Variants in USP4 observed in about 807,000 individuals in gnomAD.
USP4 encodes ubiquitin specific peptidase 4.
Under a neutral mutation model 118.2 loss-of-function variants are expected in USP4, and 72 were observed. That is an observed-to-expected ratio of 0.61 (90% CI 0.50 to 0.74). USP4 has a LOEUF of 0.74. USP4 is among the 30% of genes least tolerant of loss of function. The probability of loss-of-function intolerance (pLI) is 0.00; values close to 1 mark genes in which losing one functional copy is unlikely to be tolerated. For missense variants in USP4, 1,037 were observed against 1,185.7 expected, an observed-to-expected ratio of 0.87 and a Z score of 1.84; for synonymous variants, 415 against 440.4, an observed-to-expected ratio of 0.94 and a Z score of 0.72.
chr3:49,328,752 C>T (rs906005422), intron 2 of USP4, among the ~76,000 whole-genome samples: 51 of 151,436 alleles, frequency 3.4e-4, no homozygotes, highest in Non-Finnish European at 2.5e-4. Flanking sequence ...CCCAGCTACT[C>T]GGGAGGCTGA....
At chr3:49,314,848 G>C (rs183305355) in intron 6 of USP4, among the ~76,000 whole-genome samples, 30 of 152,170 alleles carry the variant, frequency 2.0e-4, no homozygotes, top group African/African-American at 5.8e-4. Flanking sequence ...AACATGGCAA[G>C]ACCCTGTCTC....
chr3:49,316,307 TGA>T (rs1310863653), intron 6 of USP4, among the ~76,000 whole-genome samples: 2 of 152,176 alleles, frequency 1.3e-5, no homozygotes, highest in Admixed American at 6.5e-5. Context: ...TTATTTATTT[TGA>T]GAGTGTCTCA....
intron 1 of USP4, among the ~76,000 whole-genome samples, chr3:49,336,311 A>G (rs2047668994): frequency 6.7e-6 from 1 of 149,178 alleles, no homozygotes; most frequent in Admixed American, 6.8e-5. Context: ...AGCTGGGATT[A>G]CAGGCATGCA....
Position 49,309,965 on chromosome 3 carries a change from T to TTTTTTTC in USP4, c.954+654_954+655insGAAAAAA, listed in dbSNP as rs1222994860. Among the ~76,000 whole-genome samples, 62 of 122,072 alleles carry TTTTTTTC rather than the reference T, an allele frequency of 5.1e-4. 3 individuals are homozygous for TTTTTTTC. Among genetic ancestry groups the TTTTTTTC allele is most frequent in the Non-Finnish European group, 8.5e-4 (51 of 60,088 alleles). 80.1% of individuals were successfully genotyped at this position (122,072 alleles called of 152,430 possible). A position where few individuals can be genotyped will look rare whatever the true frequency, so the allele number is the denominator to read the frequency against. ...AATCTTTTTTTTTTTTTTTTTTTTTTTGAGACAGAGTCTCACTCTGTTGCC... is the reference window on the plus strand; with the variant it reads ...AATCTTTTTTTTTTTTTTTTTTTTTTTTTTTTCTGAGACAGAGTCTCACTCTGTTGCC... On this transcript the variant is annotated intron_variant, in intron 8 of 21. Transcript: ENST00000265560.
At chr3:49,287,441 A>G (rs1385451941) in intron 15 of USP4, among the ~76,000 whole-genome samples, 1 of 152,012 alleles carries the variant, frequency 6.6e-6, no homozygotes, top group Non-Finnish European at 1.5e-5. Flanking sequence ...GGTGCGAGCC[A>G]CTGCACCCGG....
At chr3:49,299,456 A>C (rs1003554899) in intron 11 of USP4, among the ~76,000 whole-genome samples, 6 of 122,974 alleles carry the variant, frequency 4.9e-5, no homozygotes, top group African/African-American at 1.9e-4. Flanking sequence ...GCAGTGGCGC[A>C]ATCTTGGCTC....
At chr3:49,324,429 C>T (rs1370014992) in intron 6 of USP4, among the ~76,000 whole-genome samples, 1 of 152,168 alleles carries the variant, frequency 6.6e-6, no homozygotes, top group Non-Finnish European at 1.5e-5. Context: ...AGAGCAGCAA[C>T]CTTAGACTTG....
At chr3:49,318,442 C>T (rs2047463812) in intron 6 of USP4, 1 of 985,298 alleles carries the variant, frequency 1.0e-6, no homozygotes, top group African/African-American at 1.7e-5. Context: ...AGACCTCAGG[C>T]AAGTGACGTT....
At chr3:49,330,388 C>T (rs148332924) in intron 2 of USP4, among the ~76,000 whole-genome samples, 1,597 of 151,490 alleles carry the variant, frequency 0.011, 28 homozygotes, top group African/African-American at 0.037. Context: ...AGTGCAGTGG[C>T]GCCATCTCGG....
intron 8 of USP4, among the ~76,000 whole-genome samples, chr3:49,310,250 TAGTC>T (rs1291059762): frequency 6.6e-6 from 1 of 152,100 alleles, no homozygotes; most frequent in Non-Finnish European, 1.5e-5. Flanking sequence ...AGTGAAAAGG[TAGTC>T]AGCCTTCAGC....
chr3:49,314,064 T>C (rs770201197), intron 6 of USP4: 6 of 152,180 alleles, frequency 3.9e-5, no homozygotes, highest in South Asian at 4.1e-4. Flanking sequence ...ATTTCCCTTA[T>C]AGAATACTGG....
chr3:49,301,957 C>T (rs1418696519), intron 10 of USP4, among the ~76,000 whole-genome samples: 1 of 152,022 alleles, frequency 6.6e-6, no homozygotes, highest in Non-Finnish European at 1.5e-5. Context: ...GGGGTCCTCA[C>T]TATAGGTACT....
chr3:49,291,736 T>C (rs1184873708), intron 15 of USP4, among the ~76,000 whole-genome samples: 1 of 151,812 alleles, frequency 6.6e-6, no homozygotes, highest in Non-Finnish European at 1.5e-5. Context: ...CCTAGCCCTC[T>C]GGGAGGCTAA....
In USP4 at chr3:49,311,565, T is replaced by C. The variant is rs751340951; in HGVS notation, c.785A>G (p.Asn262Ser). 1.2e-6 allele frequency: 2 copies of C among 1,613,918 alleles called. No individual in the cohort carries two copies. The highest frequency in any genetic ancestry group is 1.1e-5 in the South Asian group (1 of 91,084). ...YSSVSASLIA[N>S]GDSTSTCGMH... The stretch of plus-strand genomic sequence containing the variant: ...CCCACAGGTGCTAGTGCTATCACCA[T>C]TTGCAATGAGAGAGGCAGACACTGA... The change falls in exon 7 of 22, where the codon AAT becomes AGT. Residue 262 changes from asparagine to serine, a missense_variant. Physicochemically the swap from Asn to Ser is conservative, Grantham distance 46 (BLOSUM62 1). Around this residue, in one of 3 missense-constraint regions of USP4, gnomAD observed 487 missense variants for 534.1 expected, o/e 0.91. Coordinates refer to ENST00000265560, the MANE Select transcript of USP4 (RefSeq NM_003363.4).
chr3:49,322,439 C>A (rs1330395226), intron 6 of USP4, among the ~76,000 whole-genome samples: 3 of 152,178 alleles, frequency 2.0e-5, no homozygotes, highest in Admixed American at 6.6e-5. Flanking sequence ...GGATATATTT[C>A]TATTGGTTAT....
chr3:49,296,670 T>A (rs1273898960), intron 13 of USP4, among the ~76,000 whole-genome samples: 15 of 152,034 alleles, frequency 9.9e-5, no homozygotes, highest in Non-Finnish European at 4.4e-5. Context: ...TAAAATAAAA[T>A]AAAAATACCA....
At chr3:49,280,333 G>A (rs896372242) in intron 20 of USP4, among the ~76,000 whole-genome samples, 25 of 151,510 alleles carry the variant, frequency 1.7e-4, no homozygotes, top group Non-Finnish European at 3.2e-4. Flanking sequence ...AGGCCGAGGC[G>A]GGCGGATCAC....
In USP4 at chr3:49,277,240, GCAGGCCCC is replaced by G; in HGVS notation, c.*1045_*1052del. On this transcript the variant is annotated 3_prime_UTR_variant, in exon 22 of 22. Transcript: ENST00000265560. ...CGGTCATCGCATGCGCGTGCCCCGC[GCAGGCCCC>G]AAACCCCCACGGATTAGGTTGAAGG... The G allele has an allele frequency of 7.6e-7, 1 of 1,311,200 alleles. No homozygotes were observed. 81.2% of individuals were successfully genotyped at this position (1,311,200 alleles called of 1,614,324 possible).
At position 49,294,523 on chromosome 3, in the gene USP4, G is replaced by A. The variant is rs2047183196; in HGVS notation, c.1767C>T (p.Ser589=). ...TLPVYFRERK[S]RPSSTSSASA... is the part of the protein sequence containing the mutation. Reference sequence around the variant, plus strand: ...ATGCGGAGGAAGTGCTTGATGGCCTGGACTTCCTCTCCCTGAAGTAGACTG... The same window carrying A: ...ATGCGGAGGAAGTGCTTGATGGCCTAGACTTCCTCTCCCTGAAGTAGACTG... The change falls in exon 14 of 22, where the codon TCC becomes TCT. Residue 589 remains serine, a synonymous_variant. Coordinates refer to ENST00000265560, the MANE Select transcript of USP4 (RefSeq NM_003363.4). 6.2e-7 allele frequency: 1 copy of A among 1,614,166 alleles called. No individual in the cohort carries two copies.
Sources: gnomAD v4.1 joint callset for allele counts (sites outside exome capture counted in the v4.1 genomes callset) on GRCh38, gnomAD v4.1.1 for gene constraint, gnomAD v4.1.1 regional missense constraint, MANE v1.5 for transcripts, NCBI Gene and HGNC (gene_info 2026-07-23, HGNC 2026-07-21) for gene names.